The following ABCB5 variants were observed in gnomAD, a reference collection of about 807,000 sequenced individuals.
The protein encoded by ABCB5 is ATP-binding cassette sub-family B member 5.
In ABCB5, 155 loss-of-function variants were observed where a neutral mutation model predicts 144.2. That is an observed-to-expected ratio of 1.08 (90% CI 0.94 to 1.23). The LOEUF is 1.23. ABCB5 is among the 50% of genes most tolerant of loss of function. The pLI is 0.00. For synonymous variants in ABCB5, 610 were observed against 528.6 expected (o/e 1.15, Z -2.11); for missense variants, 1,830 against 1,520.8 (o/e 1.20, Z -3.38).
intron 15 of ABCB5, among the ~76,000 whole-genome samples, chr7:20,685,203 G>C (rs17817117): frequency 0.29 from 44,665 of 151,976 alleles, 6,622 homozygotes; most frequent in Non-Finnish European, 0.32. Context: ...AGTAGGCCCT[G>C]TTAGTTTTGT....
intron 1 of ABCB5, among the ~76,000 whole-genome samples, chr7:20,616,361 T>C (rs1583369061): frequency 1.3e-5 from 2 of 152,158 alleles, no homozygotes; most frequent in South Asian, 2.1e-4. Context: ...TAACCAAAGA[T>C]CCCATGTTTT....
chr7:20,704,922 G>A, intron 20 of ABCB5, 115 bp downstream of exon 20: 2 of 690,312 alleles, frequency 2.9e-6, no homozygotes, highest in Non-Finnish European at 4.6e-6. Flanking sequence ...CATCATTAAT[G>A]AGGCCAGGTA....
rs138449195 is a variant in ABCB5, at chr7:20,643,574, C to T, written c.620C>T (p.Thr207Ile). ...AVGLVKGWKLTLVTLSTSPLI... is the reference protein window; with the variant it reads ...AVGLVKGWKLILVTLSTSPLI... ...GGTTTGGTGAAGGGCTGGAAACTCACCCTAGTGACTCTATCCACGTCTCCT... is the reference window on the plus strand; with the variant it reads ...GGTTTGGTGAAGGGCTGGAAACTCATCCTAGTGACTCTATCCACGTCTCCT... Residue 207 changes from threonine (T) to isoleucine (I), a missense_variant, in exon 7 of 28, where the codon ACC becomes ATC. By Grantham distance (89) the Thr-to-Ile change is moderately conservative (BLOSUM62 -1). Transcript: ENST00000404938. The T allele has an allele frequency of 8.3e-5, 134 of 1,613,974 alleles. No individual in the cohort carries two copies. In the African/African-American group the frequency reaches 1.7e-3, roughly 21 times the overall value.
chr7:20,689,323 G>A (rs1190152981), intron 16 of ABCB5, among the ~76,000 whole-genome samples: 1 of 152,128 alleles, frequency 6.6e-6, no homozygotes, highest in Non-Finnish European at 1.5e-5. Context: ...CAGTTGCTGT[G>A]GTACCTTGCT....
chr7:20,700,487 T>A (rs531643788), intron 19 of ABCB5, among the ~76,000 whole-genome samples: 1 of 152,340 alleles, frequency 6.6e-6, no homozygotes, highest in East Asian at 1.9e-4. Context: ...CTTGGGAATG[T>A]ATCTGAAAAG....
Position 20,643,145 on chromosome 7 carries a change from GT to G in ABCB5, c.315-37del, listed in dbSNP as rs546157805. ...TTTATGTGTGTAACAAGATAAAAATGTTGTGCTTCAGTCTCACATTCTAATA... is the reference window on the plus strand; with the variant it reads ...TTTATGTGTGTAACAAGATAAAAATGTGTGCTTCAGTCTCACATTCTAATA... On this transcript the variant is annotated intron_variant, in intron 5 of 27. Transcript: ENST00000404938. 2.0e-4 allele frequency: 310 copies of G among 1,517,572 alleles called. No homozygotes were observed. In the African/African-American group the frequency reaches 3.9e-3, roughly 19 times the overall value. The allele number at this position is 1,517,572 out of a possible 1,614,324, so 94.0% of individuals were successfully genotyped here.
intron 14 of ABCB5, among the ~76,000 whole-genome samples, chr7:20,669,410 G>C (rs1335356325): frequency 7.0e-6 from 1 of 142,096 alleles, no homozygotes; most frequent in Non-Finnish European, 1.5e-5. Context: ...TTGGGATCCT[G>C]TTGATCTGTG....
At chr7:20,668,420 T>C (rs1785296255) in intron 14 of ABCB5, among the ~76,000 whole-genome samples, 1 of 150,350 alleles carries the variant, frequency 6.7e-6, no homozygotes, top group African/African-American at 2.5e-5. Flanking sequence ...CGCAACCCTG[T>C]CTGGGAGGTG....
At chr7:20,660,093 A>G (rs1033004981) in intron 14 of ABCB5, 12 of 985,064 alleles carry the variant, frequency 1.2e-5, no homozygotes, top group Non-Finnish European at 1.4e-5. Context: ...TTAGGTAATC[A>G]AAACTAGTTC....
intron 14 of ABCB5, among the ~76,000 whole-genome samples, chr7:20,675,356 T>C (rs535008993): frequency 6.7e-6 from 1 of 149,998 alleles, no homozygotes; most frequent in African/African-American, 2.5e-5. Context: ...TATAATCAAC[T>C]GACCTTTGAC....
intron 16 of ABCB5, among the ~76,000 whole-genome samples, chr7:20,694,094 A>C (rs1786327401): frequency 6.6e-6 from 1 of 151,628 alleles, no homozygotes; most frequent in Admixed American, 6.6e-5. Flanking sequence ...TTAAAAAAAA[A>C]AGTGATAAGG....
chr7:20,734,547 G>A (rs2128053181), intron 23 of ABCB5, among the ~76,000 whole-genome samples: 1 of 151,534 alleles, frequency 6.6e-6, no homozygotes, highest in African/African-American at 2.4e-5. Flanking sequence ...ATGACATTGT[G>A]TCTCAGAAAG....
At chr7:20,667,808 C>G (rs1165541337) in intron 14 of ABCB5, among the ~76,000 whole-genome samples, 1 of 151,112 alleles carries the variant, frequency 6.6e-6, no homozygotes, top group Non-Finnish European at 1.5e-5. Flanking sequence ...TCTCGGCTCA[C>G]TGCAACCTCC....
At chr7:20,689,087 G>A (rs536526992) in intron 16 of ABCB5, among the ~76,000 whole-genome samples, 1 of 152,120 alleles carries the variant, frequency 6.6e-6, no homozygotes, top group Admixed American at 6.5e-5. Flanking sequence ...TGCACGTTGT[G>A]CACATGTACC....
In ABCB5 at chr7:20,701,639, T is replaced by A. The variant is rs905014882; in HGVS notation, c.2337+1504T>A. Among the ~76,000 whole-genome samples, 3 of 152,214 alleles carry A rather than the reference T, an allele frequency of 2.0e-5. No homozygotes were observed. In the East Asian group the frequency reaches 5.8e-4, roughly 29 times the overall value. ...GCATTAGCCATGTGAATATTAGGAC[T>A]GTAACATTTTTAGATACAGTAGCTT... is the stretch of plus-strand genomic sequence containing the variant. On this transcript the variant is annotated intron_variant, in intron 19 of 27. Coordinates refer to ENST00000404938, the MANE Select transcript of ABCB5 (RefSeq NM_001163941.2).
intron 16 of ABCB5, among the ~76,000 whole-genome samples, chr7:20,687,908 A>C (rs558255585): frequency 1.7e-4 from 26 of 152,114 alleles, no homozygotes; most frequent in African/African-American, 6.0e-4. Flanking sequence ...AATAAAATAA[A>C]TAGGCCAGGT....
chr7:20,622,058 A>G (rs1783815440), intron 1 of ABCB5, among the ~76,000 whole-genome samples: 1 of 152,144 alleles, frequency 6.6e-6, no homozygotes. Flanking sequence ...TTACAGCATG[A>G]TCAGAAGATA....
intron 14 of ABCB5, among the ~76,000 whole-genome samples, chr7:20,679,377 G>T (rs1378512096): frequency 6.8e-6 from 1 of 147,864 alleles, no homozygotes; most frequent in East Asian, 2.0e-4. Flanking sequence ...GCTGAGGCAG[G>T]AGAGAATTGC....
At chr7:20,616,155 C>G (rs1251173901) in intron 1 of ABCB5, among the ~76,000 whole-genome samples, 1 of 152,214 alleles carries the variant, frequency 6.6e-6, no homozygotes. Flanking sequence ...CCTGGCTCAG[C>G]CTTCTGAGTA....
Sources: allele counts gnomAD v4.1 joint callset (sites outside exome capture counted in the v4.1 genomes callset), GRCh38; gene constraint gnomAD v4.1.1; transcripts MANE v1.5; gene names NCBI Gene and HGNC (gene_info 2026-07-23, HGNC 2026-07-21).